NELL2: variants seen among roughly 807,000 people sequenced by gnomAD.
The protein encoded by NELL2 is protein kinase C-binding protein NELL2.
NELL2 carries 41 observed loss-of-function variants against 109.6 expected under a neutral mutation model. That is an observed-to-expected ratio of 0.37 (90% CI 0.29 to 0.49). The LOEUF (loss-of-function observed/expected upper bound fraction) is 0.49. NELL2 is among the 20% of genes least tolerant of loss of function. The pLI is 0.98. For missense variants in NELL2, 900 were observed against 1,008.3 expected, an observed-to-expected ratio of 0.89 and a Z score of 1.45; for synonymous variants, 355 against 344.7, an observed-to-expected ratio of 1.03 and a Z score of -0.33.
chr12:44,545,346 G>A (rs1490653247), intron 15 of NELL2, among the ~76,000 whole-genome samples: 1 of 152,156 alleles, frequency 6.6e-6, no homozygotes, highest in African/African-American at 2.4e-5. Flanking sequence ...GAGTTCAGAG[G>A]AGGAAATCCT....
chr12:44,574,192 C>A (rs1196077824), intron 15 of NELL2, among the ~76,000 whole-genome samples: 1 of 151,956 alleles, frequency 6.6e-6, no homozygotes, highest in Non-Finnish European at 1.5e-5. Context: ...CAACCTCCAG[C>A]CCCCTGGGTT....
At chr12:44,732,373 T>C (rs931058765) in intron 9 of NELL2, among the ~76,000 whole-genome samples, 1 of 151,794 alleles carries the variant, frequency 6.6e-6, no homozygotes, top group African/African-American at 2.4e-5. Flanking sequence ...ACACAGATAA[T>C]GAAACAGAAT....
At chr12:44,663,586 C>T (rs1947822329) in intron 13 of NELL2, among the ~76,000 whole-genome samples, 1 of 152,142 alleles carries the variant, frequency 6.6e-6, no homozygotes. Context: ...GAATAGTTCT[C>T]AATTATGTCA....
At chr12:44,536,149 T>A (rs1942285446) in intron 15 of NELL2, among the ~76,000 whole-genome samples, 1 of 152,008 alleles carries the variant, frequency 6.6e-6, no homozygotes. Flanking sequence ...TTTTTTTCGC[T>A]CATGACTCTA....
chr12:44,683,925 C>T (rs1417480242), intron 12 of NELL2, among the ~76,000 whole-genome samples: 2 of 152,192 alleles, frequency 1.3e-5, no homozygotes, highest in African/African-American at 4.8e-5. Context: ...CAGGATGATG[C>T]TGGCCTCATA....
intron 9 of NELL2, among the ~76,000 whole-genome samples, chr12:44,726,605 T>C (rs970693962): frequency 3.3e-5 from 5 of 152,208 alleles, no homozygotes; most frequent in African/African-American, 4.8e-5. Context: ...AGAGTTTAGA[T>C]GTGTTATACT....
At position 44,522,019 on chromosome 12, in the gene NELL2, C is replaced by A; in HGVS notation, c.2156G>T (p.Cys719Phe). Residue 719 changes from cysteine (C) to phenylalanine (F), a missense_variant, in exon 18 of 20, where the codon TGT becomes TTT. Transcript: ENST00000429094. ...ATTTACCAAGCAGCGGCACTGTTGA[C>A]AATTCTGGACCCAGGTGTCACCACT... Reference protein sequence around the residue: ...YNSGDTWVQNCQQCRCLQGEV... With the variant: ...YNSGDTWVQNFQQCRCLQGEV... 6.2e-7 allele frequency: 1 copy of A among 1,613,706 alleles called. No homozygotes were observed. Among genetic ancestry groups the A allele is most frequent in the Non-Finnish European group, 8.5e-7 (1 of 1,179,906 alleles).
intron 1 of NELL2, among the ~76,000 whole-genome samples, chr12:44,900,429 A>C (rs546246535): frequency 1.3e-5 from 2 of 152,364 alleles, no homozygotes; most frequent in East Asian, 1.9e-4. Context: ...ACCACGGTGC[A>C]ATGAAATTAG....
At chr12:44,531,396 C>T (rs1942046540) in intron 16 of NELL2, among the ~76,000 whole-genome samples, 1 of 152,170 alleles carries the variant, frequency 6.6e-6, no homozygotes, top group South Asian at 2.1e-4. Flanking sequence ...TCTGTGGTTC[C>T]TGGCATTCTC....
At chr12:44,835,320 G>A (rs564587495) in intron 2 of NELL2, among the ~76,000 whole-genome samples, 2 of 152,288 alleles carry the variant, frequency 1.3e-5, no homozygotes, top group African/African-American at 4.8e-5. Context: ...GTGGCTTCTG[G>A]GGGGAAAAAT....
At chr12:44,829,308 A>G (rs1224904805) in intron 2 of NELL2, among the ~76,000 whole-genome samples, 3 of 152,188 alleles carry the variant, frequency 2.0e-5, no homozygotes, top group African/African-American at 7.2e-5. Context: ...CCGACTCAAT[A>G]CCTATAAATA....
At chr12:44,912,979 T>G (rs1475297328) in intron 1 of NELL2, among the ~76,000 whole-genome samples, 1 of 152,186 alleles carries the variant, frequency 6.6e-6, no homozygotes, top group Non-Finnish European at 1.5e-5. Context: ...CCTAACTCAG[T>G]TGTTCTGATG....
intron 13 of NELL2, among the ~76,000 whole-genome samples, chr12:44,641,954 C>T (rs1329096770): frequency 6.6e-6 from 1 of 152,186 alleles, no homozygotes; most frequent in African/African-American, 2.4e-5. Context: ...ACCTCGGCCT[C>T]CTAAAGTGCT....
intron 9 of NELL2, among the ~76,000 whole-genome samples, chr12:44,744,846 G>C (rs1940230297): frequency 6.6e-6 from 1 of 152,154 alleles, no homozygotes; most frequent in African/African-American, 2.4e-5. Context: ...AGGACCAGAT[G>C]GATTCACAGC....
chr12:44,777,962 T>C (rs934644811), intron 5 of NELL2, among the ~76,000 whole-genome samples: 1 of 152,210 alleles, frequency 6.6e-6, no homozygotes, highest in Non-Finnish European at 1.5e-5. Flanking sequence ...AAAATTTACA[T>C]GCATACTTAG....
chr12:44,839,528 C>T (rs1247731176), intron 2 of NELL2, among the ~76,000 whole-genome samples: 2 of 152,186 alleles, frequency 1.3e-5, no homozygotes, highest in Non-Finnish European at 2.9e-5. Flanking sequence ...AAATTTTGCA[C>T]TATCCTAAGA....
At chr12:44,769,493 T>A (rs1212923208) in intron 9 of NELL2, among the ~76,000 whole-genome samples, 1 of 152,112 alleles carries the variant, frequency 6.6e-6, no homozygotes, top group East Asian at 1.9e-4. Flanking sequence ...AACTGGAATT[T>A]TCCTACCTTG....
At chr12:44,740,258 A>C (rs1939878889) in intron 9 of NELL2, among the ~76,000 whole-genome samples, 1 of 152,220 alleles carries the variant, frequency 6.6e-6, no homozygotes, top group Non-Finnish European at 1.5e-5. Flanking sequence ...AGATACGTAC[A>C]GTATATCAGA....
chr12:44,624,563 C>T (rs922427462), intron 13 of NELL2, among the ~76,000 whole-genome samples: 5 of 151,946 alleles, frequency 3.3e-5, no homozygotes, highest in African/African-American at 1.2e-4. Flanking sequence ...TAAAGGTTCC[C>T]TCTTGTAATG....
Sources: allele counts gnomAD v4.1 joint callset (sites outside exome capture counted in the v4.1 genomes callset), GRCh38; gene constraint gnomAD v4.1.1; transcripts MANE v1.5; gene names NCBI Gene and HGNC (gene_info 2026-07-23, HGNC 2026-07-21).